Variants in WDR59 observed in about 807,000 individuals in gnomAD.
WDR59 encodes GATOR2 complex protein WDR59.
A neutral mutation model predicts 131.2 loss-of-function variants in WDR59; 100 were observed. The observed-to-expected ratio is 0.76, with a 90% CI of 0.65 to 0.90. The LOEUF is 0.90. Ranked by LOEUF, WDR59 falls within the 40% of genes least tolerant of loss-of-function variation. The pLI is 0.00. For synonymous variants in WDR59, 601 were observed against 466.2 expected (o/e 1.29, Z -3.72); for missense variants, 1,203 against 1,262.2 (o/e 0.95, Z 0.71).
intron 25 of WDR59, among the ~76,000 whole-genome samples, chr16:74,879,656 T>C (rs546814178): frequency 1.3e-5 from 2 of 152,248 alleles, no homozygotes; most frequent in South Asian, 2.1e-4. Flanking sequence ...GTTATATACA[T>C]TGAAATGAAA....
At chr16:74,876,152 G>C (rs1051850495) in intron 25 of WDR59, among the ~76,000 whole-genome samples, 11 of 151,510 alleles carry the variant, frequency 7.3e-5, no homozygotes, top group African/African-American at 2.7e-4. Context: ...CTGGTGGTCA[G>C]AAAAAAAAGG....
At chr16:74,916,057 T>C in intron 12 of WDR59, 63 bp from the exon 13 acceptor site, 1 of 1,613,990 alleles carries the variant, frequency 6.2e-7, no homozygotes, top group Non-Finnish European at 8.5e-7. Context: ...AGAACAGGTC[T>C]GGGGTATCTG....
At chr16:74,980,982 T>C (rs1287652327) in intron 1 of WDR59, among the ~76,000 whole-genome samples, 2 of 147,178 alleles carry the variant, frequency 1.4e-5, no homozygotes, top group Non-Finnish European at 3.0e-5. Flanking sequence ...AAAAAATATA[T>C]ATTTTTAGGC....
intron 25 of WDR59, among the ~76,000 whole-genome samples, chr16:74,878,275 A>G (rs192078288): frequency 6.6e-6 from 1 of 152,272 alleles, no homozygotes; most frequent in African/African-American, 2.4e-5. Flanking sequence ...TTCAAGATCA[A>G]TTGAAGGATA....
chr16:74,927,670 C>T (rs1216024853), intron 8 of WDR59, among the ~76,000 whole-genome samples: 1 of 120,192 alleles, frequency 8.3e-6, no homozygotes, highest in Non-Finnish European at 1.7e-5. Flanking sequence ...TTTAGATTTG[C>T]TGCTCTTTAA....
intron 25 of WDR59, among the ~76,000 whole-genome samples, chr16:74,881,115 T>A (rs1419829974): frequency 6.6e-6 from 1 of 152,090 alleles, no homozygotes; most frequent in Non-Finnish European, 1.5e-5. Context: ...CAACAAAAAA[T>A]CATCTTATAT....
At position 74,886,901 on chromosome 16, in the gene WDR59, G is replaced by A. The variant is rs529079778; in HGVS notation, c.2420-505C>T. ...TCATGCCATTGCACTCCAGCCTGGCGACAGAGCAAGAGTCCATCTCAAAAA... is the reference window on the plus strand; with the variant it reads ...TCATGCCATTGCACTCCAGCCTGGCAACAGAGCAAGAGTCCATCTCAAAAA... On this transcript the variant is annotated intron_variant, in intron 23 of 25. Transcript: ENST00000262144. Among the ~76,000 whole-genome samples the A allele has an allele frequency of 5.4e-4, 82 of 152,134 alleles. 1 individual carries two copies. Among genetic ancestry groups the A allele is most frequent in the African/African-American group, 1.6e-3 (67 of 41,504 alleles).
chr16:74,927,164 CA>C lies in WDR59; in HGVS notation c.652-3162del, dbSNP rs759999754. On this transcript the variant is annotated intron_variant, in intron 8 of 25. Transcript: ENST00000262144. ...GTGTTAGCATAATTTTGCCTATTTC[CA>C]AAAAAAAATTAATGATTTAGATTGA... Among the ~76,000 whole-genome samples, 357 of 150,342 alleles carry C rather than the reference CA, an allele frequency of 2.4e-3. 1 individual carries two copies. Among genetic ancestry groups the C allele is most frequent in the African/African-American group, 7.7e-3 (314 of 40,982 alleles).
chr16:74,917,930 C>G lies in WDR59; in HGVS notation c.965G>C (p.Arg322Thr). ...RMWRVDSQMQ[R>T]LCANDILDGV... ...TCCACAATAGCACTGCATACATACC[C>G]TCTGCATCTGGGAATCCACCCGCCA... The change falls in exon 11 of 26, where the codon AGG (arginine) becomes ACG (threonine). Residue 322 changes from arginine (R) to threonine (T), a missense_variant and splice_region_variant. Arg to Thr is a moderately conservative substitution (Grantham distance 71). Coordinates refer to ENST00000262144, the MANE Select transcript of WDR59 (RefSeq NM_030581.4). The G allele has an allele frequency of 1.9e-6, 3 of 1,613,350 alleles. No individual in the cohort carries two copies. The highest frequency in any genetic ancestry group is 1.7e-6 in the Non-Finnish European group (2 of 1,179,454).
At position 74,952,562 on chromosome 16, in the gene WDR59, G is replaced by A. The variant is rs368356481; in HGVS notation, c.241-1019C>T. Among the ~76,000 whole-genome samples the A allele has an allele frequency of 2.2e-4, 33 of 151,692 alleles. 3 individuals carry two copies. In the South Asian group the frequency reaches 3.1e-3, roughly 14 times the overall value. ...ATGCCTGTATTTAATTTCTTAAAGG[G>A]TTAAGCAGAAAGTGACAAGGAAAAT... On this transcript the variant is annotated intron_variant, in intron 3 of 25. Coordinates refer to ENST00000262144, the MANE Select transcript of WDR59 (RefSeq NM_030581.4).
At position 74,934,965 on chromosome 16, in the gene WDR59, A is replaced by G. The variant is rs572219072; in HGVS notation, c.651+3185T>C. On this transcript the variant is annotated intron_variant, in intron 8 of 25. Coordinates refer to ENST00000262144, the MANE Select transcript of WDR59 (RefSeq NM_030581.4). ...CAAGGGTGGTCGGGCATGGTGGCTC[A>G]TGCCTATAATCCCAGCACTTTGGGA... 9.8e-5 allele frequency among the ~76,000 whole-genome samples: 15 copies of G among 152,300 alleles called. No homozygotes were observed. The East Asian group carries it at 2.7e-3, about 27-fold the overall frequency.
At position 74,938,264 on chromosome 16, in the gene WDR59, T is replaced by C. The variant is rs751082251; in HGVS notation, c.537A>G (p.Lys179=). The stretch of plus-strand genomic sequence containing the variant: ...CTAGATATTCCACTGCTGTACTGGG[T>C]TTCTGCAACAGATCAGCACCTAATA... ...DGDVRIWDKR[K]PSTAVEYLAA... Residue 179 remains lysine, a splice_region_variant and synonymous_variant, in exon 8 of 26, where the codon AAA becomes AAG. Coordinates refer to ENST00000262144, the MANE Select transcript of WDR59 (RefSeq NM_030581.4). The C allele has an allele frequency of 7.2e-6, 11 of 1,525,466 alleles. No homozygotes were observed. In the South Asian group the frequency reaches 1.4e-4, roughly 19 times the overall value. The allele number at this position is 1,525,466 out of a possible 1,614,324, so 94.5% of individuals were successfully genotyped here.
intron 1 of WDR59, among the ~76,000 whole-genome samples, chr16:74,977,725 G>A (rs962637494): frequency 6.6e-6 from 1 of 152,072 alleles, no homozygotes; most frequent in Non-Finnish European, 1.5e-5. Flanking sequence ...ATAAAAATTG[G>A]CCTTGATACT....
intron 1 of WDR59, among the ~76,000 whole-genome samples, chr16:74,974,165 T>C (rs970920661): frequency 2.0e-5 from 3 of 151,982 alleles, no homozygotes; most frequent in Admixed American, 6.6e-5. Flanking sequence ...CAAGACTCCA[T>C]CTCAAAAACA....
At chr16:74,923,205 A>C (rs1279433785) in intron 9 of WDR59, among the ~76,000 whole-genome samples, 2 of 152,224 alleles carry the variant, frequency 1.3e-5, no homozygotes, top group Non-Finnish European at 2.9e-5. Context: ...CAGTAAAGGA[A>C]ATTTCTGCTC....
chr16:74,936,434 T>G (rs2031807863), intron 8 of WDR59, among the ~76,000 whole-genome samples: 1 of 152,064 alleles, frequency 6.6e-6, no homozygotes, highest in Non-Finnish European at 1.5e-5. Flanking sequence ...ACACTGAGTA[T>G]CAACAAACTT....
At chr16:74,915,112 T>C (rs888001492) in intron 13 of WDR59, among the ~76,000 whole-genome samples, 2 of 152,210 alleles carry the variant, frequency 1.3e-5, no homozygotes, top group Non-Finnish European at 2.9e-5. Flanking sequence ...TACCAGGAAA[T>C]GGCCAGCCTG....
intron 5 of WDR59, among the ~76,000 whole-genome samples, chr16:74,949,322 C>A (rs1336481623): frequency 3.6e-5 from 4 of 110,782 alleles, no homozygotes; most frequent in African/African-American, 1.5e-4. Flanking sequence ...CAGAGTAATA[C>A]CTTGTCTCAA....
intron 19 of WDR59, among the ~76,000 whole-genome samples, chr16:74,893,011 G>A (rs1428339499): frequency 1.3e-5 from 2 of 152,222 alleles, no homozygotes; most frequent in African/African-American, 2.4e-5. Flanking sequence ...GGGAACTACA[G>A]GTGGCCTCTG....
Sources: gnomAD v4.1 joint callset for allele counts (sites outside exome capture counted in the v4.1 genomes callset) on GRCh38, gnomAD v4.1.1 for gene constraint, MANE v1.5 for transcripts, NCBI Gene and HGNC (gene_info 2026-07-23, HGNC 2026-07-21) for gene names.